SPATA31H1: variants seen among roughly 807,000 people sequenced by gnomAD.
The protein encoded by SPATA31H1 is SPATA31 subfamily H member 1.
the SPATA31H1 span, among the ~76,000 whole-genome samples, chr2:27,541,243 A>T: frequency 6.6e-6 from 1 of 151,988 alleles, no homozygotes; most frequent in Non-Finnish European, 1.5e-5. Context: ...CATGAAAACC[A>T]GTCAGGCGTG....
the SPATA31H1 span, chr2:27,574,405 G>A: frequency 1.0e-5 from 4 of 398,420 alleles, no homozygotes; most frequent in Non-Finnish European, 1.8e-5. Flanking sequence ...TTGACCCTGG[G>A]GAGGAAGTTT....
the SPATA31H1 span, chr2:27,569,720 G>A: frequency 1.5e-5 from 6 of 398,758 alleles, no homozygotes; most frequent in African/African-American, 8.2e-5. Flanking sequence ...CAGAGCTACC[G>A]CTACAAAGTA....
chr2:27,577,190 T>A, the SPATA31H1 span: 1 of 1,613,982 alleles, frequency 6.2e-7, no homozygotes, highest in Non-Finnish European at 8.5e-7. This position sits in a 1 kb window ranked among gnomAD's most constrained non-coding sequence, Gnocchi z 4.5. Context: ...TACCAAAATT[T>A]GTTGATCTGA....
the SPATA31H1 span, chr2:27,582,224 C>A: frequency 1.2e-6 from 2 of 1,613,602 alleles, no homozygotes; most frequent in Non-Finnish European, 1.7e-6. Context: ...CTGAGAGAAG[C>A]CATCGCAGTC....
chr2:27,556,605 GA>G, the SPATA31H1 span, among the ~76,000 whole-genome samples: 1 of 148,538 alleles, frequency 6.7e-6, no homozygotes, highest in Non-Finnish European at 1.5e-5. Context: ...ATTTCCATTA[GA>G]TTTTTTTTAT....
the SPATA31H1 span, among the ~76,000 whole-genome samples, chr2:27,549,558 C>T: frequency 6.6e-6 from 1 of 151,700 alleles, no homozygotes; most frequent in African/African-American, 2.4e-5. Context: ...CCTGTAATCC[C>T]AGCACTTTGG....
At chr2:27,560,312 TG>T in the SPATA31H1 span, among the ~76,000 whole-genome samples, 2 of 94,808 alleles carry the variant, frequency 2.1e-5, no homozygotes, top group East Asian at 2.7e-4. Context: ...GTCTTACAAT[TG>T]ATGGTATTTA....
chr2:27,549,575 T>C, the SPATA31H1 span, among the ~76,000 whole-genome samples: 1 of 151,616 alleles, frequency 6.6e-6, no homozygotes. Context: ...TTGGGAGACT[T>C]AGTCAGGTGG....
the SPATA31H1 span, chr2:27,576,230 T>C: frequency 7.4e-6 from 3 of 408,040 alleles, no homozygotes; most frequent in Non-Finnish European, 1.3e-5. Flanking sequence ...AGCTTCAAGG[T>C]ATAAAATCTG....
At chr2:27,546,276 TA>T in the SPATA31H1 span, among the ~76,000 whole-genome samples, 3 of 152,028 alleles carry the variant, frequency 2.0e-5, no homozygotes, top group African/African-American at 7.3e-5. Flanking sequence ...TGCTAACCAC[TA>T]GGCCATGAAG....
the SPATA31H1 span, among the ~76,000 whole-genome samples, chr2:27,561,980 C>A: frequency 1.3e-5 from 2 of 152,190 alleles, no homozygotes; most frequent in Admixed American, 1.3e-4. Context: ...GGATTACAGG[C>A]GTGAGTCACT....
At chr2:27,577,870 C>G in the SPATA31H1 span, 1 of 1,614,114 alleles carries the variant, frequency 6.2e-7, no homozygotes, top group Non-Finnish European at 8.5e-7. This position sits in a 1 kb window ranked among gnomAD's most constrained non-coding sequence, Gnocchi z 4.5. Flanking sequence ...CATGAAGAAT[C>G]TGTAGAGCTC....
At chr2:27,539,482 A>G in the SPATA31H1 span, among the ~76,000 whole-genome samples, 1 of 122,874 alleles carries the variant, frequency 8.1e-6, no homozygotes, top group Non-Finnish European at 1.7e-5. Flanking sequence ...TTTTCTTAGT[A>G]CAGAACAAAA....
At chr2:27,577,701 C>A in the SPATA31H1 span, 2 of 1,614,044 alleles carry the variant, frequency 1.2e-6, no homozygotes, top group Non-Finnish European at 1.7e-6. The surrounding 1 kb of genome is among the most constrained non-coding windows in gnomAD (Gnocchi z 4.5). Flanking sequence ...GAAAACTTTG[C>A]AATTAACCCC....
At chr2:27,579,729 CAG>C in the SPATA31H1 span, 1 of 1,614,060 alleles carries the variant, frequency 6.2e-7, no homozygotes, top group African/African-American at 1.3e-5. Flanking sequence ...TGAGGACTCA[CAG>C]AGTGATTCCC....
chr2:27,580,012 A>C, the SPATA31H1 span: 1 of 1,614,074 alleles, frequency 6.2e-7, no homozygotes, highest in East Asian at 2.2e-5. Flanking sequence ...CTTCTTATCT[A>C]TCCACAGCTC....
chr2:27,572,814 G>C, the SPATA31H1 span: 2 of 398,070 alleles, frequency 5.0e-6, no homozygotes, highest in African/African-American at 4.1e-5. Context: ...ACTGACTCTA[G>C]GGCCAAAACT....
the SPATA31H1 span, among the ~76,000 whole-genome samples, chr2:27,546,220 G>C: frequency 1.3e-5 from 2 of 152,002 alleles, no homozygotes; most frequent in Admixed American, 1.3e-4. Flanking sequence ...ATGTTCTTAA[G>C]ATTAGTGTTC....
chr2:27,571,483 G>A, the SPATA31H1 span: 23 of 398,334 alleles, frequency 5.8e-5, no homozygotes, highest in African/African-American at 2.7e-4. Context: ...TTGACTCCAT[G>A]TTCAAGAATT....
Sources: allele counts gnomAD v4.1 joint callset (sites outside exome capture counted in the v4.1 genomes callset), GRCh38; gene constraint gnomAD v4.1.1; non-coding constraint Gnocchi (gnomAD v3.1); transcripts MANE v1.5; gene names NCBI Gene and HGNC (gene_info 2026-07-23, HGNC 2026-07-21).